RABGAP1L: variants seen among roughly 807,000 people sequenced by gnomAD.
RABGAP1L encodes the protein RAB GTPase activating protein 1 like, also known as rab GTPase-activating protein 1-like.
RABGAP1L carries 63 observed loss-of-function variants against 137.7 expected under a neutral mutation model. The observed-to-expected ratio is 0.46, with a 90% CI of 0.37 to 0.56. The LOEUF (loss-of-function observed/expected upper bound fraction) is 0.56, where lower values mean the gene tolerates loss of function less well. Among genes scored for constraint, RABGAP1L ranks in the 20% least tolerant of loss-of-function variants. RABGAP1L has a pLI of 0.00. For missense variants in RABGAP1L, 1,095 were observed against 1,244.0 expected (o/e 0.88, Z 1.80); for synonymous variants, 431 against 433.7 (o/e 0.99, Z 0.08).
intron 1 of RABGAP1L, among the ~76,000 whole-genome samples, chr1:174,211,793 C>G (rs1487742761): frequency 6.6e-6 from 1 of 151,976 alleles, no homozygotes; most frequent in African/African-American, 2.4e-5. Flanking sequence ...AAAAGATATT[C>G]CATGTCAATG....
intron 13 of RABGAP1L, among the ~76,000 whole-genome samples, chr1:174,398,677 G>A (rs887716930): frequency 2.6e-5 from 4 of 152,130 alleles, no homozygotes; most frequent in Non-Finnish European, 5.9e-5. Flanking sequence ...CAGAATTCTG[G>A]CTACTATCTT....
At chr1:174,218,178 C>T (rs1669482946) in intron 1 of RABGAP1L, among the ~76,000 whole-genome samples, 1 of 152,132 alleles carries the variant, frequency 6.6e-6, no homozygotes, top group Non-Finnish European at 1.5e-5. Flanking sequence ...TTTCCTACCA[C>T]CTTAATTTGT....
At chr1:174,585,473 G>A (rs1669048403) in intron 13 of RABGAP1L, among the ~76,000 whole-genome samples, 1 of 152,188 alleles carries the variant, frequency 6.6e-6, no homozygotes, top group African/African-American at 2.4e-5. Flanking sequence ...AGATGGTCTT[G>A]GATGGGGTGG....
intron 13 of RABGAP1L, among the ~76,000 whole-genome samples, chr1:174,511,515 A>G (rs1485204449): frequency 6.6e-6 from 1 of 152,082 alleles, no homozygotes; most frequent in African/African-American, 2.4e-5. Flanking sequence ...TACTGGAGTA[A>G]TTGTAGGTAT....
intron 7 of RABGAP1L, among the ~76,000 whole-genome samples, chr1:174,260,421 A>G (rs1673487571): frequency 6.6e-6 from 1 of 152,248 alleles, no homozygotes; most frequent in South Asian, 2.1e-4. Context: ...TCAAACCCTC[A>G]GTGCCTTGGG....
At chr1:174,419,213 A>T (rs16846995) in intron 13 of RABGAP1L, among the ~76,000 whole-genome samples, 1 of 152,240 alleles carries the variant, frequency 6.6e-6, no homozygotes, top group African/African-American at 2.4e-5. Context: ...TACCTAGGAC[A>T]GATCTCAAAG....
At chr1:174,216,632 T>C (rs1669348345) in intron 1 of RABGAP1L, among the ~76,000 whole-genome samples, 1 of 151,818 alleles carries the variant, frequency 6.6e-6, no homozygotes, top group African/African-American at 2.4e-5. Flanking sequence ...ATACATTTAT[T>C]CTTCCTTTTA....
At position 174,346,584 on chromosome 1, in the gene RABGAP1L, A is replaced by G. The variant is rs189673892; in HGVS notation, c.1466-24395A>G. 5.5e-4 allele frequency among the ~76,000 whole-genome samples: 84 copies of G among 151,982 alleles called. No individual in the cohort carries two copies. In the East Asian group the frequency reaches 0.013, roughly 23 times the overall value. ...TTCAAATATCTGCAGTATTGGTTGT[A>G]ATGTCTTCTTTTTATCTCTGATTTC... On this transcript the variant is annotated intron_variant, in intron 11 of 25. Coordinates refer to ENST00000681986, the MANE Select transcript of RABGAP1L (RefSeq NM_001366446.1).
chr1:174,386,040 G>A (rs192724537), intron 12 of RABGAP1L, among the ~76,000 whole-genome samples: 21 of 152,274 alleles, frequency 1.4e-4, no homozygotes, highest in Non-Finnish European at 2.9e-4. Context: ...CAGAGAAAGA[G>A]GACATAATTG....
chr1:174,748,058 A>G (rs1185191347), intron 17 of RABGAP1L, among the ~76,000 whole-genome samples: 1 of 152,168 alleles, frequency 6.6e-6, no homozygotes, highest in Non-Finnish European at 1.5e-5. Flanking sequence ...TATAGAATAA[A>G]AAGTTTAGCA....
intron 13 of RABGAP1L, among the ~76,000 whole-genome samples, chr1:174,622,414 T>C (rs934089148): frequency 2.0e-5 from 3 of 152,218 alleles, no homozygotes; most frequent in Admixed American, 6.5e-5. Context: ...CGTATGTTTA[T>C]TGCGGCACTA....
At chr1:174,189,187 G>C (rs896453890) in intron 1 of RABGAP1L, among the ~76,000 whole-genome samples, 1 of 151,940 alleles carries the variant, frequency 6.6e-6, no homozygotes, top group African/African-American at 2.4e-5. Flanking sequence ...TTGTGTTTTT[G>C]GTAGAGACGG....
intron 13 of RABGAP1L, among the ~76,000 whole-genome samples, chr1:174,467,186 AT>A (rs998470583): frequency 3.3e-5 from 5 of 152,110 alleles, no homozygotes; most frequent in Non-Finnish European, 4.4e-5. Context: ...AAACATCTTT[AT>A]TTTTTACATC....
chr1:174,377,721 T>C (rs1360171580), intron 12 of RABGAP1L, among the ~76,000 whole-genome samples: 1 of 150,886 alleles, frequency 6.6e-6, no homozygotes, highest in Admixed American at 6.6e-5. Context: ...TTGGCAAGAA[T>C]GTGGAGACAT....
Position 174,641,796 on chromosome 1 carries a change from G to A in RABGAP1L, c.1824+4308G>A, listed in dbSNP as rs552877451. 2.0e-5 allele frequency among the ~76,000 whole-genome samples: 3 copies of A among 152,214 alleles called. 1 individual carries two copies. Among genetic ancestry groups the A allele is most frequent in the East Asian group, 1.9e-4 (1 of 5,178 alleles). On this transcript the variant is annotated intron_variant, in intron 14 of 25. Transcript: ENST00000681986. ...GTCATAAGATTGTTCCGGTTCCAAT[G>A]TTCTGTGATTCTCAGTGTTGTTCAA...
intron 19 of RABGAP1L, among the ~76,000 whole-genome samples, chr1:174,954,643 A>G (rs1308756313): frequency 6.6e-6 from 1 of 152,212 alleles, no homozygotes; most frequent in Non-Finnish European, 1.5e-5. Flanking sequence ...AACCATGTAG[A>G]AAATACTTCC....
chr1:174,910,428 A>G (rs1659869607), intron 19 of RABGAP1L, among the ~76,000 whole-genome samples: 1 of 152,240 alleles, frequency 6.6e-6, no homozygotes, highest in South Asian at 2.1e-4. Flanking sequence ...AATAAAGACC[A>G]TAAATGACAA....
At chr1:174,433,852 A>C (rs1269542087) in intron 13 of RABGAP1L, among the ~76,000 whole-genome samples, 1 of 152,176 alleles carries the variant, frequency 6.6e-6, no homozygotes, top group Non-Finnish European at 1.5e-5. Context: ...CAAATAATTT[A>C]GGGCTCTCAT....
At chr1:174,301,995 C>G (rs1248350472) in intron 10 of RABGAP1L, among the ~76,000 whole-genome samples, 3 of 152,138 alleles carry the variant, frequency 2.0e-5, no homozygotes, top group African/African-American at 7.2e-5. Context: ...TGGGGACCTG[C>G]CCCTGTCTGC....
Sources: allele counts gnomAD v4.1 joint callset (sites outside exome capture counted in the v4.1 genomes callset), GRCh38; gene constraint gnomAD v4.1.1; transcripts MANE v1.5; gene names NCBI Gene and HGNC (gene_info 2026-07-23, HGNC 2026-07-21).